The following CNTLN variants were observed in gnomAD, a reference collection of about 807,000 sequenced individuals.
The protein encoded by CNTLN is centlein, centrosomal protein.
In CNTLN, 212 loss-of-function variants were observed where a neutral mutation model predicts 180.0. That is an observed-to-expected ratio of 1.18 (90% CI 1.05 to 1.32). The LOEUF (loss-of-function observed/expected upper bound fraction) is 1.32, where lower values mean the gene tolerates loss of function less well. Ranked by LOEUF, CNTLN falls within the 40% of genes most tolerant of loss-of-function variation. CNTLN has a pLI of 0.00. For missense variants in CNTLN, 2,095 were observed against 1,610.9 expected (o/e 1.30, Z -5.14); for synonymous variants, 722 against 563.1 (o/e 1.28, Z -3.99).
At position 17,459,115 on chromosome 9, in the gene CNTLN, C is replaced by T. The variant is rs555685404; in HGVS notation, c.3306+1400C>T. Among the ~76,000 whole-genome samples, 8 of 151,884 alleles carry T rather than the reference C, an allele frequency of 5.3e-5. No individual in the cohort carries two copies. The East Asian group carries it at 1.5e-3, about 29-fold the overall frequency. Reference sequence around the variant, plus strand: ...AGTGCTAGGTCCAGTATTGTCTAATCTGACTTCTAAAAGACATAAATAGTT... The same window carrying T: ...AGTGCTAGGTCCAGTATTGTCTAATTTGACTTCTAAAAGACATAAATAGTT... On this transcript the variant is annotated intron_variant, in intron 19 of 25. Transcript: ENST00000380647.
At chr9:17,253,572 A>G (rs779560441) in intron 5 of CNTLN, among the ~76,000 whole-genome samples, 3 of 151,092 alleles carry the variant, frequency 2.0e-5, no homozygotes, top group Non-Finnish European at 4.4e-5. Flanking sequence ...CAGCTATTTC[A>G]TTACTAATGT....
chr9:17,171,470 G>A (rs1465747287), intron 2 of CNTLN, among the ~76,000 whole-genome samples: 1 of 152,208 alleles, frequency 6.6e-6, no homozygotes, highest in Non-Finnish European at 1.5e-5. Context: ...AGCAGCCAAG[G>A]CTGCGTGTGT....
intron 2 of CNTLN, among the ~76,000 whole-genome samples, chr9:17,215,307 T>C (rs1823658865): frequency 6.6e-6 from 1 of 152,232 alleles, no homozygotes; most frequent in African/African-American, 2.4e-5. Flanking sequence ...TTGGAGTTTA[T>C]TGGAGGTCAC....
At chr9:17,366,819 T>A (rs899482379) in intron 13 of CNTLN, 102 bp downstream of exon 13, 7 of 682,228 alleles carry the variant, frequency 1.0e-5, no homozygotes, top group African/African-American at 1.9e-5. Flanking sequence ...CCTTTTTGTT[T>A]CTTTTCCAAC....
In CNTLN at chr9:17,385,296, T is replaced by C. The variant is rs75769627; in HGVS notation, c.1988-2866T>C. Among the ~76,000 whole-genome samples, 2,989 of 152,238 alleles carry C rather than the reference T, an allele frequency of 0.02. 206 individuals carry two copies. In the East Asian group the frequency reaches 0.27, roughly 14 times the overall value. On this transcript the variant is annotated intron_variant, in intron 13 of 25. Transcript: ENST00000380647. ...GCTTCCATTAAGTAGCCATCATTGA[T>C]TCAATCATTGGCCATTGGTGACTGA...
intron 7 of CNTLN, among the ~76,000 whole-genome samples, chr9:17,302,499 C>T (rs1563976612): frequency 6.6e-6 from 1 of 152,030 alleles, no homozygotes; most frequent in Non-Finnish European, 1.5e-5. Context: ...GTGCCTGGCC[C>T]AATTCACTTT....
chr9:17,244,338 A>G (rs538363724), intron 5 of CNTLN, among the ~76,000 whole-genome samples: 1 of 151,976 alleles, frequency 6.6e-6, no homozygotes, highest in Admixed American at 6.6e-5. Flanking sequence ...CAGCCTCTTG[A>G]GTAGCTGAGG....
intron 2 of CNTLN, among the ~76,000 whole-genome samples, chr9:17,195,797 T>C (rs1822094051): frequency 6.6e-6 from 1 of 152,314 alleles, no homozygotes; most frequent in Admixed American, 6.5e-5. Context: ...CCTGCATTTA[T>C]TCTATCTCCA....
rs143723382 is a variant in CNTLN, at chr9:17,219,884, G to A, written c.450-6319G>A. On this transcript the variant is annotated intron_variant, in intron 2 of 25. Coordinates refer to ENST00000380647, the MANE Select transcript of CNTLN (RefSeq NM_017738.4). The stretch of plus-strand genomic sequence containing the variant: ...TTTTGTTGTATCCTCATATGACACC[G>A]AGAGATCTTCTCTCTAGTGTCCCCT... Among the ~76,000 whole-genome samples, 45 of 151,976 alleles carry A rather than the reference G, an allele frequency of 3.0e-4. No individual in the cohort carries two copies. In the East Asian group the frequency reaches 7.6e-3, roughly 26 times the overall value.
chr9:17,263,254 C>G (rs1175120840), intron 5 of CNTLN, among the ~76,000 whole-genome samples: 3 of 136,992 alleles, frequency 2.2e-5, no homozygotes, highest in Non-Finnish European at 4.5e-5. Flanking sequence ...CATGTGATCT[C>G]ATTGTTCAAT....
chr9:17,391,706 G>A (rs1255446716), intron 14 of CNTLN, among the ~76,000 whole-genome samples: 1 of 152,036 alleles, frequency 6.6e-6, no homozygotes, highest in East Asian at 1.9e-4. Flanking sequence ...GGCTAATTCA[G>A]ACTATTCAGC....
At chr9:17,181,777 C>G (rs576488944) in intron 2 of CNTLN, among the ~76,000 whole-genome samples, 1 of 152,212 alleles carries the variant, frequency 6.6e-6, no homozygotes, top group Non-Finnish European at 1.5e-5. Context: ...GAATATGATG[C>G]TCTTTTTTAT....
intron 2 of CNTLN, among the ~76,000 whole-genome samples, chr9:17,201,066 C>T (rs1400614345): frequency 6.6e-6 from 1 of 152,076 alleles, no homozygotes; most frequent in Admixed American, 6.5e-5. Flanking sequence ...TATTGAAGGC[C>T]TTTTCTGCAT....
intron 12 of CNTLN, among the ~76,000 whole-genome samples, chr9:17,348,639 T>TCCTG (rs1822115519): frequency 6.6e-6 from 1 of 151,786 alleles, no homozygotes; most frequent in Non-Finnish European, 1.5e-5. Context: ...CAAGTAAATC[T>TCCTG]CCTGCCTCAG....
At chr9:17,373,659 C>T (rs1269045014) in intron 13 of CNTLN, among the ~76,000 whole-genome samples, 3 of 151,838 alleles carry the variant, frequency 2.0e-5, no homozygotes, top group Admixed American at 6.6e-5. Context: ...TAAAAGAGAC[C>T]CAGAATAGCC....
the CNTLN span, among the ~76,000 whole-genome samples, chr9:17,511,960 G>C: frequency 6.6e-6 from 1 of 152,052 alleles, no homozygotes; most frequent in Non-Finnish European, 1.5e-5. Flanking sequence ...ACCACCATAG[G>C]ATATACATAA....
chr9:17,245,635 G>T (rs1825756800), intron 5 of CNTLN, among the ~76,000 whole-genome samples: 1 of 151,852 alleles, frequency 6.6e-6, no homozygotes. Flanking sequence ...ATATTTTCTA[G>T]CCTGACCTCT....
At chr9:17,272,403 T>A (rs1828016795) in intron 5 of CNTLN, among the ~76,000 whole-genome samples, 1 of 152,138 alleles carries the variant, frequency 6.6e-6, no homozygotes, top group South Asian at 2.1e-4. Context: ...ATTGTTCACT[T>A]CATTGACTCT....
chr9:17,445,179 G>A (rs948831951), intron 18 of CNTLN, among the ~76,000 whole-genome samples: 1 of 151,990 alleles, frequency 6.6e-6, no homozygotes, highest in Admixed American at 6.6e-5. Flanking sequence ...CTTCTCTTGA[G>A]AATTTTTATA....
Sources: allele counts gnomAD v4.1 joint callset (sites outside exome capture counted in the v4.1 genomes callset), GRCh38; gene constraint gnomAD v4.1.1; transcripts MANE v1.5; gene names NCBI Gene and HGNC (gene_info 2026-07-23, HGNC 2026-07-21).